The following C9orf78 variants were observed in gnomAD, a reference collection of about 807,000 sequenced individuals.
C9orf78 encodes chromosome 9 open reading frame 78, also known as splicing factor C9orf78.
C9orf78 carries 19 observed loss-of-function variants against 37.4 expected under a neutral mutation model. That is an observed-to-expected ratio of 0.51 (90% confidence interval 0.35 to 0.74). The LOEUF (loss-of-function observed/expected upper bound fraction) is 0.74, where lower values mean the gene tolerates loss of function less well. C9orf78 is among the 30% of genes least tolerant of loss of function. The pLI is 0.01. For synonymous variants in C9orf78, 130 were observed against 128.0 expected (o/e 1.02, Z -0.10); for missense variants, 291 against 370.8 (o/e 0.78, Z 1.77).
chr9:129,833,815 G>T, intron 2 of C9orf78, 106 bp from the exon 3 acceptor site: 3 of 748,928 alleles, frequency 4.0e-6, no homozygotes, highest in Non-Finnish European at 6.7e-6. Flanking sequence ...TAGTGCAAGG[G>T]TGGGATTTGA....
At position 129,835,190 on chromosome 9, in the gene C9orf78, C is replaced by A; in HGVS notation, c.32G>T (p.Arg11Leu). ...TTCCTCTGACTCCGAGTCGCCCCGG[C>A]GGCGACGGAAAATCTTCCGGACGAC... The part of the protein sequence containing the change: MPVVRKIFRR[R>L]RGDSESEEDE... Residue 11 changes from arginine to leucine, a missense_variant, in exon 1 of 9, where the codon CGC (arginine) becomes CTC (leucine). Around this residue, in one of 3 missense-constraint regions of C9orf78, gnomAD observed 158 missense variants for 174.8 expected, o/e 0.90. Coordinates refer to ENST00000372447, the MANE Select transcript of C9orf78 (RefSeq NM_016520.3). 6.2e-7 allele frequency: 1 copy of A among 1,610,180 alleles called. No homozygotes were observed. Among genetic ancestry groups the A allele is most frequent in the Non-Finnish European group, 8.5e-7 (1 of 1,178,794 alleles).
At chr9:129,830,590 T>C (rs2031468147) in intron 6 of C9orf78, 1 of 407,594 alleles carries the variant, frequency 2.5e-6, no homozygotes. Context: ...CTCGCCTCAC[T>C]GCAACCTCCA....
chr9:129,833,193 G>C (rs2031555136), intron 4 of C9orf78, among the ~76,000 whole-genome samples: 1 of 150,498 alleles, frequency 6.6e-6, no homozygotes, highest in Admixed American at 6.7e-5. Context: ...GCCTCCCAAA[G>C]TGTTGGGATT....
At chr9:129,833,731 A>AT in intron 2 of C9orf78, 22 bp from the exon 3 acceptor site, 1 of 1,557,908 alleles carries the variant, frequency 6.4e-7, no homozygotes, top group Non-Finnish European at 8.8e-7. Context: ...CAAAAAAAAA[A>AT]GAGAGGGGGA....
intron 1 of C9orf78, 39 bp downstream of exon 1, chr9:129,835,100 A>G: frequency 6.7e-7 from 1 of 1,496,044 alleles, no homozygotes; most frequent in Non-Finnish European, 9.3e-7. Context: ...AAACAAGTCT[A>G]TCTTTACCAA....
intron 6 of C9orf78, 39 bp downstream of exon 6, chr9:129,830,832 G>A (rs778706626): frequency 7.0e-7 from 1 of 1,438,424 alleles, no homozygotes; most frequent in Non-Finnish European, 9.8e-7. Context: ...CTTTTAACTG[G>A]AAAGCACTGT....
intron 5 of C9orf78, 109 bp downstream of exon 5, chr9:129,831,787 C>A (rs2031504020): frequency 2.7e-6 from 2 of 748,452 alleles, no homozygotes; most frequent in East Asian, 4.9e-5. Flanking sequence ...GAGGGGCCAA[C>A]TTTGACATCT....
intron 8 of C9orf78, 53 bp from the exon 9 acceptor site, chr9:129,828,305 A>G: frequency 9.5e-7 from 1 of 1,053,800 alleles, no homozygotes; most frequent in Non-Finnish European, 1.5e-6. Context: ...ACCCACTGCT[A>G]GACTTTACTC....
chr9:129,829,705 C>CTCA, intron 6 of C9orf78, 164 bp from the exon 7 acceptor site: 1 of 615,028 alleles, frequency 1.6e-6, no homozygotes, highest in East Asian at 2.7e-5. Context: ...TCACGGGACT[C>CTCA]TCACGGCTGT....
At chr9:129,831,123 T>A (rs2031484967) in intron 5 of C9orf78, 55 bp from the exon 6 acceptor site, 3 of 1,105,234 alleles carry the variant, frequency 2.7e-6, no homozygotes, top group Non-Finnish European at 4.2e-6. Flanking sequence ...ACACCAGGTG[T>A]CCTCTAAATC....
intron 5 of C9orf78, 125 bp from the exon 6 acceptor site, chr9:129,831,193 ATAACT>A: frequency 1.5e-6 from 1 of 682,194 alleles, no homozygotes; most frequent in Non-Finnish European, 2.6e-6. Context: ...GAGAAAAAAA[ATAACT>A]TGAGTTTTTT....
At chr9:129,833,090 T>C (rs1480876106) in intron 4 of C9orf78, among the ~76,000 whole-genome samples, 1 of 145,704 alleles carries the variant, frequency 6.9e-6, no homozygotes, top group Admixed American at 6.9e-5. Context: ...TGTGTGTGTG[T>C]ATACATACAC....
chr9:129,835,262 C>A lies in C9orf78; in HGVS notation c.-41G>T, dbSNP rs370589788. The A allele has an allele frequency of 1.8e-5, 26 of 1,478,024 alleles. No individual in the cohort carries two copies. The highest frequency in any genetic ancestry group is 1.7e-4 in the African/African-American group (12 of 70,882). 91.6% of individuals were successfully genotyped at this position (1,478,024 alleles called of 1,614,324 possible). ...GTTGTACAGCCGCCGCGCCTCTGCG[C>A]AGCGGCCCAGGCTGCTTCCGGCGCG... On this transcript the variant is annotated 5_prime_UTR_variant, in exon 1 of 9. Coordinates refer to ENST00000372447, the MANE Select transcript of C9orf78 (RefSeq NM_016520.3).
In C9orf78 at chr9:129,828,364, C is replaced by G. The variant is rs182112436; in HGVS notation, c.779-112G>C. 55 of 693,010 alleles carry G rather than the reference C, an allele frequency of 7.9e-5. No homozygotes were observed. The African/African-American group carries it at 9.4e-4, about 12-fold the overall frequency. 42.9% of individuals were successfully genotyped at this position (693,010 alleles called of 1,614,324 possible). On this transcript the variant is annotated intron_variant, in intron 8 of 8. Coordinates refer to ENST00000372447, the MANE Select transcript of C9orf78 (RefSeq NM_016520.3). ...GTTTCCTTCCCCACAGGAGCCCCAG[C>G]GCCTAACCCAGTGAACACAGTAGGG...
rs1277626199 is a variant in C9orf78 at position 129,833,638 on chromosome 9, G to A, written c.195+20C>T. 6.3e-7 allele frequency: 1 copy of A among 1,587,204 alleles called. No individual in the cohort carries two copies. ...CAGGGAGGGCTGCCATAACTACTCA[G>A]GGAAGACCCCATAACTTACCACTAG... On this transcript the variant is annotated intron_variant, in intron 3 of 8. Coordinates refer to ENST00000372447, the MANE Select transcript of C9orf78 (RefSeq NM_016520.3).
intron 1 of C9orf78, 49 bp from the exon 2 acceptor site, chr9:129,834,815 C>T: frequency 1.4e-6 from 2 of 1,434,220 alleles, no homozygotes; most frequent in Non-Finnish European, 2.0e-6. Context: ...TGATTCCCCG[C>T]GGAATCCAAA....
In C9orf78 at chr9:129,834,772, A is replaced by G. The variant is rs745696468; in HGVS notation, c.84-6T>C. ...TGGTCTCTTCCAGTTTTAATCTTTA[A>G]AAAGAAGAAGAAGCAGCAATGCATA... On this transcript the variant is annotated splice_polypyrimidine_tract_variant and splice_region_variant and intron_variant, in intron 1 of 8. Transcript: ENST00000372447. 3.9e-5 allele frequency: 63 copies of G among 1,605,682 alleles called. No individual in the cohort carries two copies. The highest frequency in any genetic ancestry group is 4.7e-5 in the Non-Finnish European group (55 of 1,173,422).
In C9orf78 at chr9:129,828,114, G is replaced by T; in HGVS notation, c.*47C>A. 1 of 1,123,026 alleles carries T rather than the reference G, an allele frequency of 8.9e-7. No individual in the cohort carries two copies. The highest frequency in any genetic ancestry group is 1.3e-6 in the Non-Finnish European group (1 of 743,324). The allele number at this position is 1,123,026 out of a possible 1,614,324, so 69.6% of individuals were successfully genotyped here. ...GGCCAGGAAGCCATTTTTCATGGGA[G>T]GGATATAGGGAGAGGAAGGCGATAT... On this transcript the variant is annotated 3_prime_UTR_variant, in exon 9 of 9. Transcript: ENST00000372447.
chr9:129,828,903 T>C (rs754172407), intron 8 of C9orf78: 8 of 452,682 alleles, frequency 1.8e-5, no homozygotes, highest in African/African-American at 7.9e-5. Context: ...GCTAACCTTA[T>C]GAGTAGCTTT....
Sources: allele counts gnomAD v4.1 joint callset (sites outside exome capture counted in the v4.1 genomes callset), GRCh38; gene constraint gnomAD v4.1.1; regional missense constraint gnomAD v4.1.1; transcripts MANE v1.5; gene names NCBI Gene and HGNC (gene_info 2026-07-23, HGNC 2026-07-21).